SPATA16: variants seen among roughly 807,000 people sequenced by gnomAD.
SPATA16 encodes spermatogenesis-associated protein 16.
In SPATA16, 36 loss-of-function variants were observed where a neutral mutation model predicts 63.3. The ratio of observed to expected loss-of-function variants is 0.57; its 90% CI spans 0.44 to 0.75. SPATA16 has a LOEUF of 0.75. SPATA16 is among the 30% of genes least tolerant of loss of function. The pLI is 0.00. For missense variants in SPATA16, 646 were observed against 679.3 expected, an observed-to-expected ratio of 0.95 and a Z score of 0.54; for synonymous variants, 203 against 216.7, an observed-to-expected ratio of 0.94 and a Z score of 0.56.
At chr3:173,074,054 C>T (rs1158303507) in intron 2 of SPATA16, among the ~76,000 whole-genome samples, 2 of 152,118 alleles carry the variant, frequency 1.3e-5, no homozygotes, top group Admixed American at 1.3e-4. Context: ...GGTCTTTAGC[C>T]CCATTGTTTT....
chr3:172,925,131 G>C (rs1160643209), intron 7 of SPATA16, among the ~76,000 whole-genome samples: 1 of 152,054 alleles, frequency 6.6e-6, no homozygotes, highest in Non-Finnish European at 1.5e-5. Flanking sequence ...TGCGGTGGGT[G>C]GGGTAAGATG....
chr3:172,984,297 A>G (rs1166394617), intron 4 of SPATA16, among the ~76,000 whole-genome samples: 1 of 152,166 alleles, frequency 6.6e-6, no homozygotes, highest in Non-Finnish European at 1.5e-5. Flanking sequence ...GCCTACCATT[A>G]CAGTGCCTCC....
At chr3:172,945,553 A>G (rs1429600849) in intron 6 of SPATA16, among the ~76,000 whole-genome samples, 1 of 152,218 alleles carries the variant, frequency 6.6e-6, no homozygotes. Flanking sequence ...ATTCCCTGGC[A>G]GTAGAGAGAG....
chr3:173,008,602 TA>T (rs1441445982), intron 4 of SPATA16, among the ~76,000 whole-genome samples: 1 of 152,138 alleles, frequency 6.6e-6, no homozygotes, highest in African/African-American at 2.4e-5. Flanking sequence ...CTAAAAATAA[TA>T]AAATATTAAA....
intron 2 of SPATA16, among the ~76,000 whole-genome samples, chr3:173,099,228 G>A (rs1737432036): frequency 6.6e-6 from 1 of 152,078 alleles, no homozygotes; most frequent in South Asian, 2.1e-4. Flanking sequence ...GATATTTTGA[G>A]AGAAAGAGAC....
At chr3:172,964,281 A>G (rs539174570) in intron 5 of SPATA16, among the ~76,000 whole-genome samples, 1 of 152,318 alleles carries the variant, frequency 6.6e-6, no homozygotes, top group South Asian at 2.1e-4. Flanking sequence ...AGGTCAGTCT[A>G]GCTTATTTAA....
At chr3:173,122,180 G>GTT (rs140467388) in intron 1 of SPATA16, among the ~76,000 whole-genome samples, 3 of 151,444 alleles carry the variant, frequency 2.0e-5, no homozygotes, top group East Asian at 3.9e-4. Context: ...AATCGCCAAG[G>GTT]TTTTTTTTTA....
At chr3:173,140,957 C>T (rs1738697318) in intron 1 of SPATA16, 146 bp downstream of exon 1, 1 of 152,230 alleles carries the variant, frequency 6.6e-6, no homozygotes, top group African/African-American at 2.4e-5. Context: ...AGCAACATTC[C>T]TCATTCCTCG....
At chr3:173,060,091 T>A (rs1736343663) in intron 2 of SPATA16, among the ~76,000 whole-genome samples, 1 of 151,742 alleles carries the variant, frequency 6.6e-6, no homozygotes, top group Non-Finnish European at 1.5e-5. Context: ...ACCCGGTCTC[T>A]ACTAAAAATA....
intron 6 of SPATA16, among the ~76,000 whole-genome samples, chr3:172,931,895 A>C (rs1302204343): frequency 6.6e-6 from 1 of 152,172 alleles, no homozygotes; most frequent in Non-Finnish European, 1.5e-5. Flanking sequence ...GGATGGAAAA[A>C]TTAGTTTTAT....
chr3:173,106,371 T>C (rs1737622883), intron 2 of SPATA16, among the ~76,000 whole-genome samples: 1 of 152,128 alleles, frequency 6.6e-6, no homozygotes, highest in Non-Finnish European at 1.5e-5. Context: ...TCCCCTAAAA[T>C]CAACACGTGG....
chr3:172,996,722 C>T (rs945023476), intron 4 of SPATA16, among the ~76,000 whole-genome samples: 6 of 152,212 alleles, frequency 3.9e-5, no homozygotes, highest in South Asian at 2.1e-4. Context: ...CTTTGACAAA[C>T]GTACAATGAT....
At chr3:173,071,355 C>T (rs968999240) in intron 2 of SPATA16, among the ~76,000 whole-genome samples, 11 of 152,010 alleles carry the variant, frequency 7.2e-5, no homozygotes, top group Non-Finnish European at 1.0e-4. Context: ...CACCATTAAA[C>T]GATTAGAAGA....
chr3:173,122,162 A>G (rs539805899), intron 1 of SPATA16, among the ~76,000 whole-genome samples: 1 of 151,554 alleles, frequency 6.6e-6, no homozygotes, highest in Non-Finnish European at 1.5e-5. Context: ...GACAGGCAAC[A>G]TTGGAACAAT....
chr3:173,136,760 A>C (rs578182296), intron 1 of SPATA16, among the ~76,000 whole-genome samples: 64 of 152,286 alleles, frequency 4.2e-4, no homozygotes, highest in East Asian at 2.5e-3. Context: ...GACCAGACCA[A>C]TGACCGCAGG....
At chr3:173,133,798 G>A (rs1738450904) in intron 1 of SPATA16, among the ~76,000 whole-genome samples, 1 of 152,078 alleles carries the variant, frequency 6.6e-6, no homozygotes, top group Non-Finnish European at 1.5e-5. Flanking sequence ...AAAGGAAAAA[G>A]GAAAGAAAAA....
intron 10 of SPATA16, among the ~76,000 whole-genome samples, chr3:172,907,962 C>CT (rs1434033717): frequency 6.6e-6 from 1 of 152,196 alleles, no homozygotes; most frequent in Non-Finnish European, 1.5e-5. Context: ...TCCTCTGGCA[C>CT]TTTCCATTTT....
intron 1 of SPATA16, among the ~76,000 whole-genome samples, chr3:173,118,056 A>T (rs1737955706): frequency 6.6e-6 from 1 of 152,186 alleles, no homozygotes; most frequent in Non-Finnish European, 1.5e-5. Flanking sequence ...GAATAGGAAA[A>T]TTTTATACAT....
intron 6 of SPATA16, among the ~76,000 whole-genome samples, chr3:172,949,644 C>T (rs769337507): frequency 1.3e-5 from 2 of 152,026 alleles, no homozygotes; most frequent in African/African-American, 2.4e-5. Context: ...AAAGTGTTAA[C>T]GGTTGAGCAC....
Sources: allele counts gnomAD v4.1 joint callset (sites outside exome capture counted in the v4.1 genomes callset), GRCh38; gene constraint gnomAD v4.1.1; transcripts MANE v1.5; gene names NCBI Gene and HGNC (gene_info 2026-07-23, HGNC 2026-07-21).